RWDD2B: variants seen among roughly 807,000 people sequenced by gnomAD.
RWDD2B encodes the protein RWD domain-containing protein 2B.
Under a neutral mutation model 33.6 loss-of-function variants are expected in RWDD2B, and 36 were observed. The observed-to-expected ratio is 1.07, with a 90% CI of 0.82 to 1.42. The LOEUF is 1.42. RWDD2B is among the 40% of genes most tolerant of loss of function. The pLI, the probability that RWDD2B is intolerant of heterozygous loss-of-function variation, is 0.00. For synonymous variants in RWDD2B, 126 were observed against 133.1 expected (o/e 0.95, Z 0.37); for missense variants, 364 against 377.5 (o/e 0.96, Z 0.30).
intron 1 of RWDD2B, among the ~76,000 whole-genome samples, chr21:29,015,478 G>A (rs11911533): frequency 1.4e-5 from 2 of 148,068 alleles, no homozygotes; most frequent in East Asian, 2.0e-4. Context: ...ATCCACCCGC[G>A]TTGGCCTCCC....
At chr21:29,011,662 C>T (rs2084861372) in intron 1 of RWDD2B, among the ~76,000 whole-genome samples, 1 of 146,188 alleles carries the variant, frequency 6.8e-6, no homozygotes, top group South Asian at 2.2e-4. Context: ...CCCGCCCGGC[C>T]AGCCGCCCCG....
chr21:29,009,807 A>G (rs1267379435), intron 1 of RWDD2B: 1 of 152,214 alleles, frequency 6.6e-6, no homozygotes, highest in Non-Finnish European at 1.5e-5. Context: ...ATACATATAT[A>G]TATGTGAAAA....
At chr21:29,016,765 C>A (rs1187476977) in intron 1 of RWDD2B, among the ~76,000 whole-genome samples, 1 of 152,072 alleles carries the variant, frequency 6.6e-6, no homozygotes, top group Non-Finnish European at 1.5e-5. Flanking sequence ...TACCAGATTG[C>A]CAAGGTGCGA....
chr21:29,015,790 C>CA (rs2084887345), intron 1 of RWDD2B, among the ~76,000 whole-genome samples: 1 of 152,174 alleles, frequency 6.6e-6, no homozygotes. Context: ...CCTGGCCTTC[C>CA]AAAGTGCTGG....
At chr21:29,007,683 C>T in intron 4 of RWDD2B, 78 bp downstream of exon 4, 1 of 1,495,684 alleles carries the variant, frequency 6.7e-7, no homozygotes, top group East Asian at 2.3e-5. Flanking sequence ...ACCAAAACGT[C>T]ACTAGGCAGC....
chr21:29,012,318 T>C (rs2084868074), intron 1 of RWDD2B, among the ~76,000 whole-genome samples: 1 of 152,074 alleles, frequency 6.6e-6, no homozygotes, highest in Non-Finnish European at 1.5e-5. Context: ...ATGGCGGTTT[T>C]GTGGAATAGA....
chr21:29,016,398 A>G (rs923886178), intron 1 of RWDD2B, among the ~76,000 whole-genome samples: 15 of 152,012 alleles, frequency 9.9e-5, no homozygotes, highest in African/African-American at 3.6e-4. Flanking sequence ...CCAAGTAGCT[A>G]GGATTACAGG....
intron 1 of RWDD2B, among the ~76,000 whole-genome samples, chr21:29,014,161 TC>T (rs2084878384): frequency 6.6e-6 from 1 of 152,150 alleles, no homozygotes. Flanking sequence ...TACTGAGTCA[TC>T]CCATGGCGGA....
At chr21:29,012,167 G>A (rs1254901512) in intron 1 of RWDD2B, among the ~76,000 whole-genome samples, 1 of 74,598 alleles carries the variant, frequency 1.3e-5, no homozygotes, top group Non-Finnish European at 2.7e-5. Flanking sequence ...GAGGGAGGTG[G>A]GGGTGGTCAG....
At chr21:29,011,710 A>G (rs1601021915) in intron 1 of RWDD2B, among the ~76,000 whole-genome samples, 1 of 99,422 alleles carries the variant, frequency 1.0e-5, no homozygotes, top group African/African-American at 3.9e-5. Flanking sequence ...GGCCGCCCCT[A>G]CTGGGAAGTG....
intron 1 of RWDD2B, among the ~76,000 whole-genome samples, chr21:29,011,498 G>T (rs1212471318): frequency 6.6e-6 from 1 of 151,780 alleles, no homozygotes; most frequent in African/African-American, 2.4e-5. Flanking sequence ...GAAGTGAGGA[G>T]CGTCTCTACC....
In RWDD2B at chr21:29,007,813, C is replaced by T. The variant is rs750889384; in HGVS notation, c.673G>A (p.Gly225Ser). ...LSGFSMPGKP[G>S]VVCVEGPQSA... ...TGTGGGCCTTCCACACAAACAACAC[C>T]AGGTTTTCCAGGCATGCTAAACCCA... Residue 225 changes from glycine (G) to serine (S), a missense_variant, in exon 4 of 5, where the codon GGT becomes AGT. Physicochemically the swap from Gly to Ser is moderately conservative, Grantham distance 56 (BLOSUM62 0). Coordinates refer to ENST00000493196, the MANE Select transcript of RWDD2B (RefSeq NM_016940.3). The T allele has an allele frequency of 6.2e-7, 1 of 1,614,204 alleles. No individual in the cohort carries two copies. The highest frequency in any genetic ancestry group is 2.2e-5 in the East Asian group (1 of 44,886).
intron 1 of RWDD2B, among the ~76,000 whole-genome samples, chr21:29,010,150 A>G (rs1249838154): frequency 6.6e-6 from 1 of 152,178 alleles, no homozygotes; most frequent in African/African-American, 2.4e-5. Flanking sequence ...AATACTGTGT[A>G]TTCAATAATA....
At position 29,005,287 on chromosome 21, in the gene RWDD2B, G is replaced by A. The variant is rs1013816152; in HGVS notation, c.*1130C>T. The A allele has an allele frequency of 1.3e-5, 2 of 152,182 alleles. No individual in the cohort carries two copies. Among genetic ancestry groups the A allele is most frequent in the East Asian group, 1.9e-4 (1 of 5,204 alleles). The allele number at this position is 152,182 out of a possible 1,614,324, so 9.4% of individuals were successfully genotyped here. A position where few individuals can be genotyped will look rare whatever the true frequency, so the allele number is the denominator to read the frequency against. On this transcript the variant is annotated 3_prime_UTR_variant, in exon 5 of 5. Transcript: ENST00000493196. Reference sequence around the variant, plus strand: ...TCAGCCTTGTCTGAGGCAAGCCCAGGAGCAGGGGCAGAGCGTGAGTATACA... The same window carrying A: ...TCAGCCTTGTCTGAGGCAAGCCCAGAAGCAGGGGCAGAGCGTGAGTATACA...
At position 29,007,939 on chromosome 21, in the gene RWDD2B, C is replaced by G. The variant is rs1441940716; in HGVS notation, c.547G>C (p.Val183Leu). 1 of 1,614,114 alleles carries G rather than the reference C, an allele frequency of 6.2e-7. No homozygotes were observed. The highest frequency in any genetic ancestry group is 1.7e-5 in the Admixed American group (1 of 60,006). The part of the protein sequence containing the change: ...SPTTGSTVQS[V>L]DLIFTRLWIY... ...CAGAGTCTCGTGAAGATGAGGTCAA[C>G]TGACTGGACTGTGCTTCCTGTGGTG... Residue 183 changes from valine (V) to leucine (L), a missense_variant, in exon 4 of 5, where the codon GTT (valine) becomes CTT (leucine). Val to Leu is a conservative substitution (Grantham distance 32). Coordinates refer to ENST00000493196, the MANE Select transcript of RWDD2B (RefSeq NM_016940.3).
intron 1 of RWDD2B, among the ~76,000 whole-genome samples, chr21:29,010,591 G>C (rs536600073): frequency 3.7e-4 from 42 of 112,234 alleles, no homozygotes; most frequent in Non-Finnish European, 6.7e-4. Flanking sequence ...TGGGCAAAAA[G>C]AGTGAAACTC....
At chr21:29,007,209 T>C (rs2084832769) in intron 4 of RWDD2B, among the ~76,000 whole-genome samples, 1 of 152,210 alleles carries the variant, frequency 6.6e-6, no homozygotes, top group African/African-American at 2.4e-5. Context: ...TGGAAGTGGA[T>C]GGGGTCATAG....
chr21:29,009,396 T>TG (rs963474051), intron 1 of RWDD2B, among the ~76,000 whole-genome samples: 60 of 150,478 alleles, frequency 4.0e-4, no homozygotes, highest in Admixed American at 1.5e-3. Context: ...TTATTAGTTT[T>TG]TTTTTTTTTT....
intron 1 of RWDD2B, among the ~76,000 whole-genome samples, chr21:29,017,167 G>A (rs187774277): frequency 6.6e-6 from 1 of 151,754 alleles, no homozygotes; most frequent in East Asian, 1.9e-4. Context: ...CACCGTGTCC[G>A]GCTGCTTATT....
Sources: gnomAD v4.1 joint callset for allele counts (sites outside exome capture counted in the v4.1 genomes callset) on GRCh38, gnomAD v4.1.1 for gene constraint, MANE v1.5 for transcripts, NCBI Gene and HGNC (gene_info 2026-07-23, HGNC 2026-07-21) for gene names.